Variants in EWSR1 observed in about 807,000 individuals in gnomAD.
EWSR1 encodes the protein EWS RNA binding protein 1.
In EWSR1, 14 loss-of-function variants were observed where a neutral mutation model predicts 92.1. The ratio of observed to expected loss-of-function variants is 0.15; its 90% CI spans 0.10 to 0.24. EWSR1 has a LOEUF of 0.24. Ranked by LOEUF, EWSR1 falls within the 10% of genes least tolerant of loss-of-function variation. The pLI is 1.00. For synonymous variants in EWSR1, 303 were observed against 292.9 expected (o/e 1.03, Z -0.35); for missense variants, 637 against 870.9 (o/e 0.73, Z 3.38).
Position 29,300,389 on chromosome 22 carries a change from T to TC in EWSR1, c.*228_*229insC, listed in dbSNP as rs2061257349. The TC allele has an allele frequency of 2.1e-6, 1 of 479,360 alleles. No individual in the cohort carries two copies. The highest frequency in any genetic ancestry group is 3.6e-5 in the South Asian group (1 of 28,148). 29.7% of individuals were successfully genotyped at this position (479,360 alleles called of 1,614,324 possible). A position where few individuals can be genotyped will look rare whatever the true frequency, so the allele number is the denominator to read the frequency against. Reference sequence around the variant, plus strand: ...TTTTAAAAATGGTTGTTTAAGACTTTAACAATGGGAACCCCTTGTGAGCAT... The same window carrying TC: ...TTTTAAAAATGGTTGTTTAAGACTTTCAACAATGGGAACCCCTTGTGAGCAT... On this transcript the variant is annotated 3_prime_UTR_variant, in exon 17 of 17. Transcript: ENST00000397938.
intron 16 of EWSR1, 82 bp from the exon 17 acceptor site, chr22:29,300,040 G>A (rs2061226019): frequency 1.6e-6 from 1 of 627,106 alleles, no homozygotes; most frequent in Non-Finnish European, 2.1e-6. Context: ...ATTGGGAGGA[G>A]CCAGGAAGGG....
Position 29,298,723 on chromosome 22 carries a change from C to T in EWSR1, c.1418-10C>T, listed in dbSNP as rs534653320. The T allele has an allele frequency of 1.9e-6, 3 of 1,612,860 alleles. No individual in the cohort carries two copies. In the East Asian group the frequency reaches 6.7e-5, roughly 36 times the overall value. On this transcript the variant is annotated splice_polypyrimidine_tract_variant and intron_variant, in intron 13 of 16. Transcript: ENST00000397938. ...AAATGATTTGCTGTTTCTTGTTGTT[C>T]TTGTTGTAGGTCCAGGAGGCCCAGG... is the stretch of plus-strand genomic sequence containing the variant.
At position 29,277,371 on chromosome 22, in the gene EWSR1, A is replaced by C. The variant is rs150815180; in HGVS notation, c.227-659A>C. The C allele has an allele frequency of 4.7e-3, 1,056 of 224,208 alleles. 12 individuals are homozygous for C. Among genetic ancestry groups the C allele is most frequent in the African/African-American group, 0.021 (956 of 44,982 alleles). The allele number at this position is 224,208 out of a possible 1,614,324, so 13.9% of individuals were successfully genotyped here. ...AAATGTTTGTTTGGAGCAATATCGA[A>C]GTTTAATTTTAAATAATTTACAAAA... On this transcript the variant is annotated intron_variant, in intron 4 of 16. Transcript: ENST00000397938.
At chr22:29,280,560 C>G (rs925344672) in intron 5 of EWSR1, among the ~76,000 whole-genome samples, 1 of 152,016 alleles carries the variant, frequency 6.6e-6, no homozygotes, top group Non-Finnish European at 1.5e-5. Context: ...TGGGAGGGGT[C>G]TCTTTGCCTT....
At chr22:29,272,994 A>G (rs1310709552) in intron 3 of EWSR1, among the ~76,000 whole-genome samples, 1 of 152,228 alleles carries the variant, frequency 6.6e-6, no homozygotes. Flanking sequence ...TAAAATGGAT[A>G]CTAATAACTG....
rs1569124326 is a variant in EWSR1, at chr22:29,298,915, A to G, written c.1580+20A>G. On this transcript the variant is annotated intron_variant, in intron 14 of 16. Coordinates refer to ENST00000397938, the MANE Select transcript of EWSR1 (RefSeq NM_005243.4). ...CAATCCGTATGTACTTGTCTTGGCA[A>G]ATTGATACCCTACGAGTGAAGCCAC... The G allele has an allele frequency of 1.3e-6, 2 of 1,527,598 alleles. No individual in the cohort carries two copies. Among genetic ancestry groups the G allele is most frequent in the Middle Eastern group, 1.8e-4 (1 of 5,668 alleles). The allele number at this position is 1,527,598 out of a possible 1,614,324, so 94.6% of individuals were successfully genotyped here. A position where few individuals can be genotyped will look rare whatever the true frequency, so the allele number is the denominator to read the frequency against.
Position 29,282,659 on chromosome 22 carries a change from G to T in EWSR1, c.581+102G>T, listed in dbSNP as rs190198023. On this transcript the variant is annotated intron_variant, in intron 6 of 16. Coordinates refer to ENST00000397938, the MANE Select transcript of EWSR1 (RefSeq NM_005243.4). Reference sequence around the variant, plus strand: ...CTTCTTCAGCTAAGGTATGTTATCTGACTGTCGCAGTGATAAGTCATCTGA... The same window carrying T: ...CTTCTTCAGCTAAGGTATGTTATCTTACTGTCGCAGTGATAAGTCATCTGA... 12 of 959,924 alleles carry T rather than the reference G, an allele frequency of 1.3e-5. No homozygotes were observed. In the Admixed American group the frequency reaches 4.4e-4, roughly 35 times the overall value. 59.5% of individuals were successfully genotyped at this position (959,924 alleles called of 1,614,324 possible).
At position 29,282,572 on chromosome 22, in the gene EWSR1, T is replaced by C. The variant is rs201941907; in HGVS notation, c.581+15T>C. The C allele has an allele frequency of 1.8e-3, 2,636 of 1,496,822 alleles. 80 individuals carry two copies. The South Asian group carries it at 0.034, about 19-fold the overall frequency. The allele number at this position is 1,496,822 out of a possible 1,614,324, so 92.7% of individuals were successfully genotyped here. On this transcript the variant is annotated intron_variant, in intron 6 of 16. Coordinates refer to ENST00000397938, the MANE Select transcript of EWSR1 (RefSeq NM_005243.4). ...CCTCCTACCAGGTCAGTCTACTTTT[T>C]GTGGCAAAACAAAAACAGTGACAAA... is the stretch of plus-strand genomic sequence containing the variant.
intron 11 of EWSR1, among the ~76,000 whole-genome samples, chr22:29,294,919 A>T (rs2060733763): frequency 6.6e-6 from 1 of 151,990 alleles, no homozygotes; most frequent in Admixed American, 6.6e-5. Flanking sequence ...CTCAAAAAAA[A>T]AAAGGAAATA....
rs972615447 is a variant in EWSR1, at chr22:29,292,042, A to G, written c.1013-95A>G. On this transcript the variant is annotated intron_variant, in intron 9 of 16. Coordinates refer to ENST00000397938, the MANE Select transcript of EWSR1 (RefSeq NM_005243.4). ...TTTGAGTTTAATGAATCCCCATCAA[A>G]TGGTGGTATAGTAGATAGCTATGTG... 4 of 1,044,318 alleles carry G rather than the reference A, an allele frequency of 3.8e-6. No individual in the cohort carries two copies. In the African/African-American group the frequency reaches 4.7e-5, roughly 12 times the overall value. The allele number at this position is 1,044,318 out of a possible 1,614,324, so 64.7% of individuals were successfully genotyped here. A position where few individuals can be genotyped will look rare whatever the true frequency, so the allele number is the denominator to read the frequency against.
At chr22:29,271,579 T>C (rs1326660760) in intron 1 of EWSR1, among the ~76,000 whole-genome samples, 1 of 152,228 alleles carries the variant, frequency 6.6e-6, no homozygotes, top group Non-Finnish European at 1.5e-5. Flanking sequence ...CTGCCTTAGC[T>C]CTGCTTCACC....
chr22:29,271,975 C>T (rs2058713704), intron 1 of EWSR1, among the ~76,000 whole-genome samples: 1 of 152,112 alleles, frequency 6.6e-6, no homozygotes, highest in Non-Finnish European at 1.5e-5. Flanking sequence ...AAAAGTATAC[C>T]TGCCAAATCA....
At chr22:29,292,340 T>A in intron 10 of EWSR1, 148 bp from the exon 11 acceptor site, 1 of 943,112 alleles carries the variant, frequency 1.1e-6, no homozygotes, top group Non-Finnish European at 1.7e-6. Context: ...TTAAGTGAAG[T>A]AAACCAAAAG....
intron 4 of EWSR1, among the ~76,000 whole-genome samples, chr22:29,274,987 T>C (rs2058989917): frequency 6.6e-6 from 1 of 152,224 alleles, no homozygotes; most frequent in South Asian, 2.1e-4. Context: ...TTATATATAG[T>C]CCAGTTAAGG....
intron 4 of EWSR1, chr22:29,277,037 G>T (rs2059176132): frequency 4.3e-6 from 1 of 230,700 alleles, no homozygotes; most frequent in Non-Finnish European, 8.6e-6. Context: ...AGGAGCTGCA[G>T]ACTTTCGTGG....
In EWSR1 at chr22:29,292,883, A is replaced by G. The variant is rs112582699; in HGVS notation, c.1164+277A>G. 5.3e-3 allele frequency among the ~76,000 whole-genome samples: 796 copies of G among 151,464 alleles called. 5 individuals are homozygous for G. Among genetic ancestry groups the G allele is most frequent in the African/African-American group, 0.018 (755 of 41,230 alleles). ...GCGAATCTCCTGCCTCAGCCTCCCAAGTAGCTGGGATTACAGGTGTGCGCC... is the reference window on the plus strand; with the variant it reads ...GCGAATCTCCTGCCTCAGCCTCCCAGGTAGCTGGGATTACAGGTGTGCGCC... On this transcript the variant is annotated intron_variant, in intron 11 of 16. Coordinates refer to ENST00000397938, the MANE Select transcript of EWSR1 (RefSeq NM_005243.4).
At chr22:29,294,511 G>A (rs984419648) in intron 11 of EWSR1, among the ~76,000 whole-genome samples, 6 of 151,658 alleles carry the variant, frequency 4.0e-5, no homozygotes, top group African/African-American at 1.5e-4. Flanking sequence ...AGGCTGAGGC[G>A]GGAGAATGGC....
chr22:29,287,112 G>GAGC lies in EWSR1; in HGVS notation c.778_780dup (p.Ser260dup), dbSNP rs1487847945. On this transcript the variant is annotated inframe_insertion, in exon 7 of 17. Transcript: ENST00000397938. ...AAGCTCCAAGTCAATATAGCCAACA[G>GAGC]AGCAGCAGCTACGGGCAGCAGAGTG... The GAGC allele has an allele frequency of 1.9e-6, 3 of 1,613,938 alleles. No individual in the cohort carries two copies. Among genetic ancestry groups the GAGC allele is most frequent in the Non-Finnish European group, 1.7e-6 (2 of 1,179,958 alleles).
At chr22:29,276,679 G>GTT (rs2146960530) in intron 4 of EWSR1, 1 of 228,520 alleles carries the variant, frequency 4.4e-6, no homozygotes, top group East Asian at 6.3e-5. Flanking sequence ...GTTTTGTTTT[G>GTT]TTTTGTTTTT....
Sources: allele counts gnomAD v4.1 joint callset (sites outside exome capture counted in the v4.1 genomes callset), GRCh38; gene constraint gnomAD v4.1.1; transcripts MANE v1.5; gene names NCBI Gene and HGNC (gene_info 2026-07-23, HGNC 2026-07-21).